CDH6: variants seen among roughly 807,000 people sequenced by gnomAD.
CDH6 encodes the protein cadherin-6.
In CDH6, 31 loss-of-function variants were observed where a neutral mutation model predicts 78.0. That is an observed-to-expected ratio of 0.40 (90% CI 0.30 to 0.54). The LOEUF is 0.54. Among genes scored for constraint, CDH6 ranks in the 20% least tolerant of loss-of-function variants. The pLI is 0.56. For synonymous variants in CDH6, 376 were observed against 368.8 expected (o/e 1.02, Z -0.23); for missense variants, 724 against 975.9 (o/e 0.74, Z 3.44).
At chr5:31,308,411 C>T (rs2149955284) in intron 7 of CDH6, among the ~76,000 whole-genome samples, 1 of 138,248 alleles carries the variant, frequency 7.2e-6, no homozygotes, top group African/African-American at 2.6e-5. Flanking sequence ...ATTATTTAAT[C>T]ACAGAATACA....
intron 1 of CDH6, among the ~76,000 whole-genome samples, chr5:31,199,639 G>A (rs116681986): frequency 0.062 from 8,338 of 134,754 alleles, 540 homozygotes; most frequent in East Asian, 0.38. Flanking sequence ...TAATATATAC[G>A]TTTGTGTGTG....
At chr5:31,291,767 C>G (rs1743170256) in intron 2 of CDH6, among the ~76,000 whole-genome samples, 1 of 152,202 alleles carries the variant, frequency 6.6e-6, no homozygotes, top group Admixed American at 6.5e-5. Context: ...CCCAGTGGCT[C>G]TTTGTGTGTC....
chr5:31,242,706 G>GGC (rs1311704441), intron 1 of CDH6, among the ~76,000 whole-genome samples: 1 of 148,020 alleles, frequency 6.8e-6, no homozygotes. Flanking sequence ...AAGAATGGGG[G>GGC]GGGGCGGTTA....
At chr5:31,253,241 G>A (rs533837356) in intron 1 of CDH6, among the ~76,000 whole-genome samples, 18 of 152,304 alleles carry the variant, frequency 1.2e-4, no homozygotes, top group African/African-American at 4.1e-4. Flanking sequence ...GCCGTCGGAG[G>A]GACCCAGTGG....
At chr5:31,250,087 T>C (rs1166603475) in intron 1 of CDH6, 1 of 152,306 alleles carries the variant, frequency 6.6e-6, no homozygotes, top group Non-Finnish European at 1.5e-5. Flanking sequence ...TTGGGGTCGA[T>C]TTCCTGGAAT....
intron 1 of CDH6, among the ~76,000 whole-genome samples, chr5:31,246,696 G>T (rs1194240423): frequency 6.6e-6 from 1 of 152,172 alleles, no homozygotes; most frequent in Non-Finnish European, 1.5e-5. Flanking sequence ...CGCAAAATGT[G>T]CATAGGTGTT....
In CDH6 at chr5:31,287,234, A is replaced by G. The variant is rs185787045; in HGVS notation, c.229-6728A>G. Among the ~76,000 whole-genome samples the G allele has an allele frequency of 2.0e-5, 3 of 152,284 alleles. No individual in the cohort carries two copies. In the East Asian group the frequency reaches 5.8e-4, roughly 29 times the overall value. ...AGACAAGGACCAAAGACACAGGCCT[A>G]CAGGATACCAGCATATAAGGGGCAG... On this transcript the variant is annotated intron_variant, in intron 2 of 11. Coordinates refer to ENST00000265071, the MANE Select transcript of CDH6 (RefSeq NM_004932.4).
At chr5:31,217,957 G>A (rs1561027873) in intron 1 of CDH6, among the ~76,000 whole-genome samples, 2 of 152,136 alleles carry the variant, frequency 1.3e-5, no homozygotes, top group Non-Finnish European at 1.5e-5. Context: ...AAGTACAGAT[G>A]AAGCTAAAAT....
At chr5:31,239,741 G>A (rs4867060) in intron 1 of CDH6, among the ~76,000 whole-genome samples, 149,349 of 152,270 alleles carry the variant, frequency 0.98, 73,286 homozygotes, top group East Asian at 1. Context: ...CAAAGGCATA[G>A]CATTCATTTT....
rs781609295 is a variant in CDH6, at chr5:31,323,336, G to A, written c.*28G>A. ...TGTTGCCTTTTTCATTTTCCAATAC[G>A]ACACTGAAATATGTGAAGTGGCTAT... On this transcript the variant is annotated 3_prime_UTR_variant, in exon 12 of 12. Transcript: ENST00000265071. 4.4e-6 allele frequency: 7 copies of A among 1,587,562 alleles called. No homozygotes were observed. The highest frequency in any genetic ancestry group is 2.7e-5 in the African/African-American group (2 of 74,008).
At chr5:31,244,436 G>T (rs1447790669) in intron 1 of CDH6, among the ~76,000 whole-genome samples, 3 of 152,142 alleles carry the variant, frequency 2.0e-5, no homozygotes, top group African/African-American at 7.2e-5. Flanking sequence ...GCCTAATTAA[G>T]GGAATACTTC....
chr5:31,272,089 G>C (rs1157596772), intron 2 of CDH6, among the ~76,000 whole-genome samples: 1 of 152,166 alleles, frequency 6.6e-6, no homozygotes, highest in Non-Finnish European at 1.5e-5. Context: ...CCAGGCTCTG[G>C]GGGCTCAGCA....
At chr5:31,267,255 A>G (rs547674648) in intron 1 of CDH6, 91 bp from the exon 2 acceptor site, 3 of 502,960 alleles carry the variant, frequency 6.0e-6, no homozygotes, top group African/African-American at 5.7e-5. Flanking sequence ...TTGCTATTCA[A>G]ATTTCTGTCC....
intron 11 of CDH6, among the ~76,000 whole-genome samples, chr5:31,319,832 T>C (rs78166009): frequency 1.3e-5 from 2 of 152,336 alleles, no homozygotes; most frequent in East Asian, 3.9e-4. Context: ...ACATCTCATG[T>C]CTTATGGTGC....
chr5:31,323,119 TG>T lies in CDH6; in HGVS notation c.2185del (p.Ala729ProfsTer22). The T allele has an allele frequency of 6.2e-7, 1 of 1,614,166 alleles. No individual in the cohort carries two copies. Among genetic ancestry groups the T allele is most frequent in the Non-Finnish European group, 8.5e-7 (1 of 1,180,012 alleles). On this transcript the variant is annotated frameshift_variant, in exon 12 of 12. Transcript: ENST00000265071. LOFTEE classifies it high-confidence loss of function. ...RLKENDTDPT[A>X]PPYDSLATYA... ...TAAAGGAAAATGACACGGACCCCAC[TG>T]CCCCGCCATACGACTCCTTGGCCAC...
intron 7 of CDH6, among the ~76,000 whole-genome samples, chr5:31,309,377 C>G (rs1738083576): frequency 1.3e-5 from 2 of 152,164 alleles, no homozygotes; most frequent in African/African-American, 4.8e-5. Flanking sequence ...CAAGTAGAAT[C>G]TTGGGTGCAG....
At chr5:31,217,571 C>T (rs1740902113) in intron 1 of CDH6, among the ~76,000 whole-genome samples, 1 of 152,140 alleles carries the variant, frequency 6.6e-6, no homozygotes, top group African/African-American at 2.4e-5. Context: ...TAATTGAGCA[C>T]TTTAATAAGT....
At chr5:31,305,899 G>T (rs1468092520) in intron 7 of CDH6, among the ~76,000 whole-genome samples, 1 of 151,988 alleles carries the variant, frequency 6.6e-6, no homozygotes, top group Non-Finnish European at 1.5e-5. Context: ...ATCCACATTT[G>T]CAGAACCTGT....
chr5:31,233,950 T>G (rs1274541322), intron 1 of CDH6, among the ~76,000 whole-genome samples: 1 of 152,226 alleles, frequency 6.6e-6, no homozygotes, highest in Non-Finnish European at 1.5e-5. Context: ...TGTTAGGAAC[T>G]CAAAAGATAA....
Sources: allele counts gnomAD v4.1 joint callset (sites outside exome capture counted in the v4.1 genomes callset), GRCh38; gene constraint gnomAD v4.1.1; transcripts MANE v1.5; gene names NCBI Gene and HGNC (gene_info 2026-07-23, HGNC 2026-07-21).